CREB5: variants seen among roughly 807,000 people sequenced by gnomAD.
CREB5 encodes cyclic AMP-responsive element-binding protein 5.
A neutral mutation model predicts 57.1 loss-of-function variants in CREB5; 19 were observed. That is an observed-to-expected ratio of 0.33 (90% CI 0.23 to 0.49). The LOEUF (loss-of-function observed/expected upper bound fraction) is 0.49, where lower values mean the gene tolerates loss of function less well. Among genes scored for constraint, CREB5 ranks in the 20% least tolerant of loss-of-function variants. The pLI is 0.99. For synonymous variants in CREB5, 238 were observed against 238.3 expected (o/e 1.00, Z 0.01); for missense variants, 579 against 671.6 (o/e 0.86, Z 1.52).
At chr7:28,810,093 G>A (rs901196113) in intron 9 of CREB5, among the ~76,000 whole-genome samples, 2 of 152,126 alleles carry the variant, frequency 1.3e-5, no homozygotes, top group African/African-American at 4.8e-5. Flanking sequence ...ATGAGGCCCA[G>A]AAGTGTCTGG....
rs1028083028 is a variant in CREB5, at chr7:28,302,029, G to A, written c.-25+2588G>A. Among the ~76,000 whole-genome samples, 8 of 152,168 alleles carry A rather than the reference G, an allele frequency of 5.3e-5. No individual in the cohort carries two copies. In the East Asian group the frequency reaches 1.5e-3, roughly 29 times the overall value. On this transcript the variant is annotated intron_variant, in intron 1 of 9. Coordinates refer to the CREB5 transcript ENST00000396299. ...ATAATAAGCAATTGGGTTGGAAATT[G>A]AAATTCGTTAAAATAGATAAACTCA...
In CREB5 at chr7:28,572,894, C is replaced by T. The variant is rs550368283; in HGVS notation, c.464+2357C>T. Among the ~76,000 whole-genome samples, 7 of 152,292 alleles carry T rather than the reference C, an allele frequency of 4.6e-5. No homozygotes were observed. In the East Asian group the frequency reaches 5.8e-4, roughly 13 times the overall value. On this transcript the variant is annotated intron_variant, in intron 5 of 10. Transcript: ENST00000357727. ...TTCTCCAGCCTGGGGTGTTGTGTGT[C>T]GCTCCTGGTGTGTTCTAGGAGATAA...
At chr7:28,395,825 A>C (rs901976219) in intron 1 of CREB5, among the ~76,000 whole-genome samples, 2 of 151,148 alleles carry the variant, frequency 1.3e-5, no homozygotes, top group African/African-American at 4.9e-5. Flanking sequence ...TAGTAACTCT[A>C]GGCAAATTCC....
At chr7:28,422,587 C>T (rs1019104586) in intron 1 of CREB5, among the ~76,000 whole-genome samples, 2 of 152,166 alleles carry the variant, frequency 1.3e-5, no homozygotes, top group African/African-American at 2.4e-5. Flanking sequence ...GAAAAAATGT[C>T]TGGGCTCAAT....
chr7:28,645,185 C>T (rs375703095), intron 5 of CREB5, among the ~76,000 whole-genome samples: 7 of 152,158 alleles, frequency 4.6e-5, no homozygotes, highest in East Asian at 3.9e-4. Flanking sequence ...TGATGGCCAG[C>T]ATTAAGAATA....
rs563834202 is a variant in CREB5, at chr7:28,404,660, A to G, written c.-24-90246A>G. Reference sequence around the variant, plus strand: ...TTAAACCAAATATGGGACCATTCTGAGCATGAGATGAGGCCCTGTGTGACC... The same window carrying G: ...TTAAACCAAATATGGGACCATTCTGGGCATGAGATGAGGCCCTGTGTGACC... On this transcript the variant is annotated intron_variant, in intron 1 of 9. Transcript: ENST00000396299. Among the ~76,000 whole-genome samples, 3 of 152,328 alleles carry G rather than the reference A, an allele frequency of 2.0e-5. No individual in the cohort carries two copies. In the East Asian group the frequency reaches 5.8e-4, roughly 29 times the overall value.
chr7:28,308,826 T>C (rs1209994761), intron 1 of CREB5, among the ~76,000 whole-genome samples: 2 of 152,240 alleles, frequency 1.3e-5, no homozygotes, highest in Non-Finnish European at 2.9e-5. Context: ...TCCCTGATGG[T>C]TAATTTTATA....
chr7:28,677,801 T>C (rs1449825080), intron 5 of CREB5, among the ~76,000 whole-genome samples: 3 of 151,990 alleles, frequency 2.0e-5, no homozygotes, highest in African/African-American at 7.3e-5. Flanking sequence ...TAACTTGAGC[T>C]CAGGAGTTTG....
intron 1 of CREB5, among the ~76,000 whole-genome samples, chr7:28,354,547 C>G (rs1786302178): frequency 6.6e-6 from 1 of 152,150 alleles, no homozygotes; most frequent in Non-Finnish European, 1.5e-5. Context: ...ATAAACTCCC[C>G]TCTATATGTA....
intron 1 of CREB5, among the ~76,000 whole-genome samples, chr7:28,323,645 A>T (rs763975381): frequency 3.3e-5 from 5 of 152,152 alleles, no homozygotes; most frequent in Non-Finnish European, 7.3e-5. Context: ...TAGGGCAGTG[A>T]ACCCCAGCCT....
intron 7 of CREB5, among the ~76,000 whole-genome samples, chr7:28,775,112 A>G (rs1296325188): frequency 6.6e-6 from 1 of 152,230 alleles, no homozygotes; most frequent in East Asian, 1.9e-4. Context: ...TCAAAAATCT[A>G]TAGGAAGCTG....
At chr7:28,615,074 T>A (rs997388393) in intron 5 of CREB5, 5 of 152,234 alleles carry the variant, frequency 3.3e-5, no homozygotes, top group African/African-American at 1.2e-4. Flanking sequence ...TTGCTTTATT[T>A]TTCATGTGTA....
chr7:28,563,130 A>C (rs1476105225), intron 4 of CREB5, among the ~76,000 whole-genome samples: 1 of 152,218 alleles, frequency 6.6e-6, no homozygotes, highest in Non-Finnish European at 1.5e-5. Flanking sequence ...GTTTTCTGAC[A>C]TACAGTAATG....
intron 5 of CREB5, among the ~76,000 whole-genome samples, chr7:28,687,949 G>GCCATCT (rs1467898583): frequency 2.6e-5 from 4 of 152,162 alleles, no homozygotes; most frequent in Non-Finnish European, 4.4e-5. Context: ...CCCGCATGGG[G>GCCATCT]AACCAATCTT....
intron 1 of CREB5, among the ~76,000 whole-genome samples, chr7:28,311,642 C>T (rs1234742986): frequency 1.3e-5 from 2 of 152,208 alleles, no homozygotes; most frequent in African/African-American, 4.8e-5. Context: ...TGATTTAATA[C>T]TGTGTTAAGA....
At chr7:28,700,170 A>C (rs1583573462) in intron 5 of CREB5, among the ~76,000 whole-genome samples, 1 of 152,178 alleles carries the variant, frequency 6.6e-6, no homozygotes, top group Non-Finnish European at 1.5e-5. Flanking sequence ...CCTGCCTTGC[A>C]CAGACAGTAA....
intron 4 of CREB5, among the ~76,000 whole-genome samples, chr7:28,526,553 G>A (rs959354548): frequency 6.6e-6 from 1 of 152,168 alleles, no homozygotes; most frequent in African/African-American, 2.4e-5. Flanking sequence ...GCTGTGTCTG[G>A]CTGTTTAGGG....
At chr7:28,795,851 TC>T (rs1808009236) in intron 7 of CREB5, among the ~76,000 whole-genome samples, 2 of 151,566 alleles carry the variant, frequency 1.3e-5, no homozygotes, top group Non-Finnish European at 2.9e-5. Context: ...CGCCCGGAAT[TC>T]AAGCAATTCT....
At chr7:28,796,625 C>G (rs1337897367) in intron 7 of CREB5, among the ~76,000 whole-genome samples, 1 of 152,210 alleles carries the variant, frequency 6.6e-6, no homozygotes, top group Non-Finnish European at 1.5e-5. Context: ...ACTTCTCACT[C>G]TAAGTCTTCT....
Sources: gnomAD v4.1 joint callset for allele counts (sites outside exome capture counted in the v4.1 genomes callset) on GRCh38, gnomAD v4.1.1 for gene constraint, MANE v1.5 for transcripts, NCBI Gene and HGNC (gene_info 2026-07-23, HGNC 2026-07-21) for gene names.